SLC35F4: variants seen among roughly 807,000 people sequenced by gnomAD.
The protein encoded by SLC35F4 is solute carrier family 35 member F4, also known as chromosome 14 open reading frame 36.
In SLC35F4, 24 loss-of-function variants were observed where a neutral mutation model predicts 44.2. The ratio of observed to expected loss-of-function variants is 0.54; its 90% CI spans 0.39 to 0.76. SLC35F4 has a LOEUF of 0.76. Among genes scored for constraint, SLC35F4 ranks in the 30% least tolerant of loss-of-function variants. The probability of loss-of-function intolerance (pLI) is 0.00; values close to 1 mark genes in which losing one functional copy is unlikely to be tolerated. For synonymous variants in SLC35F4, 238 were observed against 223.6 expected, an observed-to-expected ratio of 1.06 and a Z score of -0.57; for missense variants, 562 against 586.1, an observed-to-expected ratio of 0.96 and a Z score of 0.42.
intron 1 of SLC35F4, among the ~76,000 whole-genome samples, chr14:57,929,722 TC>T (rs1464531530): frequency 6.6e-6 from 1 of 152,176 alleles, no homozygotes; most frequent in South Asian, 2.1e-4. Context: ...TGTATTATCT[TC>T]TTTCTCCAGA....
At chr14:57,682,352 G>A (rs907961764) in intron 1 of SLC35F4, among the ~76,000 whole-genome samples, 17 of 152,180 alleles carry the variant, frequency 1.1e-4, no homozygotes, top group Non-Finnish European at 1.9e-4. Flanking sequence ...CAGGGACATG[G>A]ATGATGCTGG....
rs117056466 is a variant in SLC35F4 at position 57,965,697 on chromosome 14, T to C, written n.282+16216A>G. Among the ~76,000 whole-genome samples the C allele has an allele frequency of 4.5e-4, 69 of 152,334 alleles. No homozygotes were observed. The East Asian group carries it at 0.013, about 29-fold the overall frequency. On this transcript the variant is annotated intron_variant and non_coding_transcript_variant, in intron 1 of 1. Transcript: ENST00000556568. ...AAGAAGGAATCAAAAACAGGTCATC[T>C]TATTAGTACCTAAAAGGCTGGAGGT...
intron 1 of SLC35F4, among the ~76,000 whole-genome samples, chr14:57,893,269 C>A (rs572321240): frequency 6.6e-6 from 1 of 151,960 alleles, no homozygotes; most frequent in Non-Finnish European, 1.5e-5. Flanking sequence ...AGCTATGGGT[C>A]GATATATTTA....
intron 2 of SLC35F4, among the ~76,000 whole-genome samples, chr14:57,591,560 C>T (rs1468269210): frequency 6.6e-6 from 1 of 152,198 alleles, no homozygotes; most frequent in Non-Finnish European, 1.5e-5. Context: ...TCCCACTTCA[C>T]AGATGAAAAA....
At chr14:57,934,733 A>G (rs1167266256) in intron 1 of SLC35F4, among the ~76,000 whole-genome samples, 2 of 152,150 alleles carry the variant, frequency 1.3e-5, no homozygotes, top group Non-Finnish European at 2.9e-5. Context: ...TAAACAACAA[A>G]TAGCAGAGCT....
intron 1 of SLC35F4, among the ~76,000 whole-genome samples, chr14:57,876,331 G>T (rs1445995846): frequency 1.1e-4 from 17 of 152,070 alleles, no homozygotes. Context: ...GTGAAGATCT[G>T]ATTGCCTTCC....
Position 57,600,691 on chromosome 14 carries a change from C to CAAAAAAAA in SLC35F4, c.104-6575_104-6568dup, listed in dbSNP as rs67819924. Among the ~76,000 whole-genome samples, 113 of 55,384 alleles carry CAAAAAAAA rather than the reference C, an allele frequency of 2.0e-3. 8 individuals are homozygous for CAAAAAAAA. Among genetic ancestry groups the CAAAAAAAA allele is most frequent in the Middle Eastern group, 0.014 (1 of 74 alleles). 36.3% of individuals were successfully genotyped at this position (55,384 alleles called of 152,430 possible). ...TGGGCGACAGAGCAAGACTCCATCT[C>CAAAAAAAA]AAAAAAAAAAAAAAAAAAAAAAAAA... On this transcript the variant is annotated intron_variant, in intron 1 of 7. Transcript: ENST00000556826.
At chr14:57,738,110 A>G (rs536839099) in intron 1 of SLC35F4, among the ~76,000 whole-genome samples, 1 of 152,248 alleles carries the variant, frequency 6.6e-6, no homozygotes, top group South Asian at 2.1e-4. Flanking sequence ...TAAAATGCCC[A>G]CTCCAGAAAT....
At chr14:57,663,346 T>G (rs941982255) in intron 1 of SLC35F4, among the ~76,000 whole-genome samples, 18 of 152,210 alleles carry the variant, frequency 1.2e-4, no homozygotes, top group African/African-American at 4.3e-4. Flanking sequence ...TTAACATATT[T>G]TCCAAGTGCC....
At chr14:57,585,149 G>T (rs1331080405) in intron 3 of SLC35F4, among the ~76,000 whole-genome samples, 1 of 152,020 alleles carries the variant, frequency 6.6e-6, no homozygotes, top group Non-Finnish European at 1.5e-5. Flanking sequence ...ATCAACTCAC[G>T]GTGAGAATTA....
In SLC35F4 at chr14:57,832,763, C is replaced by T. The variant is rs116274853; in HGVS notation, c.103+32960G>A. ...GAAAAGAGAACACAAATTCCCTATA[C>T]ATTTCTGATGCAGTAAACATAGCAA... On this transcript the variant is annotated intron_variant, in intron 1 of 7. Transcript: ENST00000556826. 4.6e-3 allele frequency among the ~76,000 whole-genome samples: 506 copies of T among 109,996 alleles called. 5 individuals carry two copies. Among genetic ancestry groups the T allele is most frequent in the African/African-American group, 0.026 (467 of 17,934 alleles). 72.2% of individuals were successfully genotyped at this position (109,996 alleles called of 152,430 possible).
At chr14:57,781,569 C>A (rs2077621902) in intron 1 of SLC35F4, among the ~76,000 whole-genome samples, 1 of 152,024 alleles carries the variant, frequency 6.6e-6, no homozygotes, top group South Asian at 2.1e-4. Context: ...TGGGTTATAC[C>A]CAAAGGAATA....
intron 1 of SLC35F4, among the ~76,000 whole-genome samples, chr14:57,872,353 T>C (rs1305036059): frequency 2.6e-5 from 4 of 152,124 alleles, no homozygotes; most frequent in African/African-American, 9.6e-5. Flanking sequence ...TTTTTTTTAG[T>C]ACCCAGCTGA....
chr14:57,979,262 C>T (rs1881306709), intron 1 of SLC35F4, among the ~76,000 whole-genome samples: 1 of 152,164 alleles, frequency 6.6e-6, no homozygotes, highest in Non-Finnish European at 1.5e-5. Context: ...TTCACTAAAC[C>T]TGAAGTTTGC....
intron 1 of SLC35F4, among the ~76,000 whole-genome samples, chr14:57,909,575 CAA>C (rs772848051): frequency 2.2e-5 from 3 of 133,798 alleles, no homozygotes; most frequent in African/African-American, 8.3e-5. Flanking sequence ...CACACACACA[CAA>C]ACACACAGAT....
intron 1 of SLC35F4, among the ~76,000 whole-genome samples, chr14:57,696,191 G>A (rs79772469): frequency 0.15 from 22,517 of 152,080 alleles, 1,886 homozygotes; most frequent in East Asian, 0.29. Context: ...TTCTGACAAA[G>A]GGCTAGTATC....
intron 1 of SLC35F4, among the ~76,000 whole-genome samples, chr14:57,915,318 G>A (rs938257409): frequency 6.6e-6 from 1 of 152,110 alleles, no homozygotes; most frequent in Non-Finnish European, 1.5e-5. Context: ...CCAACGTCCT[G>A]ATGAAGAGCA....
chr14:57,859,615 A>AT (rs1032302643), intron 1 of SLC35F4, among the ~76,000 whole-genome samples: 9 of 152,180 alleles, frequency 5.9e-5, no homozygotes, highest in African/African-American at 2.2e-4. Context: ...CAGGTATTTG[A>AT]TTAGGGGTGT....
chr14:57,643,547 A>G (rs2073347558), intron 1 of SLC35F4, among the ~76,000 whole-genome samples: 1 of 152,124 alleles, frequency 6.6e-6, no homozygotes, highest in African/African-American at 2.4e-5. Context: ...CTTAAGACCT[A>G]CAGTAGGTAG....
Sources: allele counts gnomAD v4.1 joint callset (sites outside exome capture counted in the v4.1 genomes callset), GRCh38; gene constraint gnomAD v4.1.1; transcripts MANE v1.5; gene names NCBI Gene and HGNC (gene_info 2026-07-23, HGNC 2026-07-21).